Variants in AHCY observed in about 807,000 individuals in gnomAD.
AHCY encodes the protein S-adenosyl-L-homocysteine hydrolase.
AHCY carries 24 observed loss-of-function variants against 45.4 expected under a neutral mutation model. The observed-to-expected ratio is 0.53, with a 90% CI of 0.38 to 0.74. The LOEUF is 0.74. Ranked by LOEUF, AHCY falls within the 30% of genes least tolerant of loss-of-function variation. AHCY has a pLI of 0.00. For missense variants in AHCY, 449 were observed against 594.1 expected (o/e 0.76, Z 2.54); for synonymous variants, 245 against 235.1 (o/e 1.04, Z -0.39).
chr20:34,271,825 A>G, the AHCY span, among the ~76,000 whole-genome samples: 1 of 152,072 alleles, frequency 6.6e-6, no homozygotes, highest in African/African-American at 2.4e-5. Context: ...TCAGCCTCCC[A>G]AAGTTCTGGG....
intron 8 of AHCY, among the ~76,000 whole-genome samples, chr20:34,287,386 ATTTTTTTT>A (rs11479058): frequency 8.6e-6 from 1 of 115,752 alleles, no homozygotes; most frequent in Non-Finnish European, 1.8e-5. Context: ...TATTTTATTA[ATTTTTTTT>A]TTTTTTTTTT....
At chr20:34,308,407 G>A (rs551909519) in intron 1 of AHCY, among the ~76,000 whole-genome samples, 4 of 152,208 alleles carry the variant, frequency 2.6e-5, no homozygotes, top group Admixed American at 6.5e-5. Context: ...AAAATTAGCC[G>A]GGCATGGTGG....
In AHCY at chr20:34,281,078, T is replaced by G; in HGVS notation, c.1255A>C (p.Met419Leu). The G allele has an allele frequency of 6.2e-7, 1 of 1,614,190 alleles. No homozygotes were observed. Among genetic ancestry groups the G allele is most frequent in the Non-Finnish European group, 8.5e-7 (1 of 1,180,030 alleles). ...GGCTTGAAGGGGCCATCACAGGACA[T>G]GCCCAGGTACTGGGCTTGCTTCTCA... Reference protein sequence around the residue: ...LTEKQAQYLGMSCDGPFKPDH... With the variant: ...LTEKQAQYLGLSCDGPFKPDH... Residue 419 changes from methionine to leucine, a missense_variant, in exon 10 of 10, where the codon ATG (methionine) becomes CTG (leucine). Transcript: ENST00000217426.
Position 34,295,409 on chromosome 20 carries a change from T to C in AHCY, c.205A>G (p.Thr69Ala). ...ETAVLIETLV[T>A]LGAEVQWSSC... ...GTGGGCCTCACCTCAGCACCCAGGGTGACGAGGGTCTCAATGAGGACGGCC... is the reference window on the plus strand; with the variant it reads ...GTGGGCCTCACCTCAGCACCCAGGGCGACGAGGGTCTCAATGAGGACGGCC... Residue 69 changes from threonine to alanine, a missense_variant, in exon 2 of 10, where the codon ACC (threonine) becomes GCC (alanine). Coordinates refer to ENST00000217426, the MANE Select transcript of AHCY (RefSeq NM_000687.4). The C allele has an allele frequency of 6.2e-7, 1 of 1,613,906 alleles. No homozygotes were observed. Among genetic ancestry groups the C allele is most frequent in the Non-Finnish European group, 8.5e-7 (1 of 1,179,872 alleles).
chr20:34,278,112 ACAT>A (rs151302586), downstream of AHCY, among the ~76,000 whole-genome samples: 1,329 of 152,320 alleles, frequency 8.7e-3, 22 homozygotes, highest in African/African-American at 0.03. Flanking sequence ...AGCAGGAGAC[ACAT>A]CATCTTTCAT....
At chr20:34,284,460 C>T (rs200205763) in intron 9 of AHCY, among the ~76,000 whole-genome samples, 1 of 152,140 alleles carries the variant, frequency 6.6e-6, no homozygotes, top group East Asian at 1.9e-4. Flanking sequence ...CCGCGCCTGG[C>T]CAGGGATGTA....
chr20:34,299,277 C>T (rs183030961), intron 1 of AHCY, among the ~76,000 whole-genome samples: 4 of 152,172 alleles, frequency 2.6e-5, no homozygotes, highest in Admixed American at 2.0e-4. Flanking sequence ...ACTGCTCTTC[C>T]GTCCAAAGAC....
At chr20:34,236,062 G>A in the AHCY span, among the ~76,000 whole-genome samples, 1 of 141,082 alleles carries the variant, frequency 7.1e-6, no homozygotes, top group Non-Finnish European at 1.5e-5. Flanking sequence ...AGGAAGGAGA[G>A]AGAGAAAGAA....
At chr20:34,261,952 A>C in the AHCY span, among the ~76,000 whole-genome samples, 1 of 151,950 alleles carries the variant, frequency 6.6e-6, no homozygotes, top group South Asian at 2.1e-4. Context: ...ATCTCTACTA[A>C]AAATACAAAA....
chr20:34,303,746 C>T (rs1397198186), upstream of AHCY, among the ~76,000 whole-genome samples: 1 of 152,218 alleles, frequency 6.6e-6, no homozygotes, highest in Non-Finnish European at 1.5e-5. Context: ...GTAATCCCAG[C>T]ACTTTGGGAG....
intron 1 of AHCY, chr20:34,302,714 G>A: frequency 2.0e-6 from 2 of 988,436 alleles, no homozygotes; most frequent in Non-Finnish European, 2.4e-6. Context: ...GGACCCCACA[G>A]GTTGGGTAAC....
chr20:34,269,946 TAAAAAAAA>T, the AHCY span, among the ~76,000 whole-genome samples: 79 of 59,236 alleles, frequency 1.3e-3, no homozygotes, highest in South Asian at 5.8e-3. Flanking sequence ...AACTCTGTCT[TAAAAAAAA>T]AAAAAAAAAA....
At chr20:34,250,615 T>C in the AHCY span, among the ~76,000 whole-genome samples, 3 of 152,140 alleles carry the variant, frequency 2.0e-5, no homozygotes, top group Non-Finnish European at 2.9e-5. Context: ...CTGGTCAACA[T>C]GGTGAAACCC....
chr20:34,284,812 G>A (rs2036117917), intron 9 of AHCY, among the ~76,000 whole-genome samples: 1 of 152,188 alleles, frequency 6.6e-6, no homozygotes, highest in South Asian at 2.1e-4. Context: ...AACAGAGTGA[G>A]ACTCTATCTC....
the AHCY span, among the ~76,000 whole-genome samples, chr20:34,268,837 G>A: frequency 4.6e-5 from 7 of 152,044 alleles, no homozygotes; most frequent in Admixed American, 2.0e-4. Context: ...GGAGGTGAGG[G>A]AATCTGACTG....
At chr20:34,239,865 G>A in the AHCY span, among the ~76,000 whole-genome samples, 1 of 152,144 alleles carries the variant, frequency 6.6e-6, no homozygotes, top group Admixed American at 6.5e-5. Context: ...TTTATTGCAG[G>A]GCCCCATATT....
the AHCY span, among the ~76,000 whole-genome samples, chr20:34,238,300 T>A: frequency 6.6e-6 from 1 of 152,172 alleles, no homozygotes; most frequent in Non-Finnish European, 1.5e-5. Context: ...TTTTTCTGCT[T>A]GATGGTGTCC....
At chr20:34,252,779 A>G in the AHCY span, among the ~76,000 whole-genome samples, 2 of 152,164 alleles carry the variant, frequency 1.3e-5, no homozygotes, top group African/African-American at 4.8e-5. Context: ...GAAACCTTGG[A>G]CAATACCCAG....
the AHCY span, among the ~76,000 whole-genome samples, chr20:34,240,357 CTAGACTCTGATTTAGTTGGG>C: frequency 6.6e-6 from 1 of 152,140 alleles, no homozygotes; most frequent in African/African-American, 2.4e-5. Flanking sequence ...CTCCTGGTCC[CTAGACTCTGATTTAGTTGGG>C]TATGACAAGA....
Sources: allele counts gnomAD v4.1 joint callset (sites outside exome capture counted in the v4.1 genomes callset), GRCh38; gene constraint gnomAD v4.1.1; transcripts MANE v1.5; gene names NCBI Gene and HGNC (gene_info 2026-07-23, HGNC 2026-07-21).